CTNNA2: variants seen among roughly 807,000 people sequenced by gnomAD.
The protein encoded by CTNNA2 is catenin alpha-2.
In CTNNA2, 42 loss-of-function variants were observed where a neutral mutation model predicts 101.0. That is an observed-to-expected ratio of 0.42 (90% CI 0.32 to 0.54). The LOEUF (loss-of-function observed/expected upper bound fraction) is 0.54, where lower values mean the gene tolerates loss of function less well. Among genes scored for constraint, CTNNA2 ranks in the 20% least tolerant of loss-of-function variants. The probability of loss-of-function intolerance (pLI) is 0.14; values close to 1 mark genes in which losing one functional copy is unlikely to be tolerated. For synonymous variants in CTNNA2, 450 were observed against 456.4 expected, an observed-to-expected ratio of 0.99 and a Z score of 0.18; for missense variants, 871 against 1,223.1, an observed-to-expected ratio of 0.71 and a Z score of 4.29.
intron 7 of CTNNA2, among the ~76,000 whole-genome samples, chr2:80,042,487 C>T (rs1696132223): frequency 6.6e-6 from 1 of 152,124 alleles, no homozygotes; most frequent in Non-Finnish European, 1.5e-5. Flanking sequence ...TTGCACTGAG[C>T]CAAGCCTTCC....
In CTNNA2 at chr2:79,738,271, C is replaced by A. The variant is rs191207331; in HGVS notation, c.103-6116C>A. 6.2e-4 allele frequency among the ~76,000 whole-genome samples: 95 copies of A among 152,308 alleles called. No individual in the cohort carries two copies. In the South Asian group the frequency reaches 0.011, roughly 18 times the overall value. The stretch of plus-strand genomic sequence containing the variant: ...AGGTCGAAGGACCCTAGAACACTTA[C>A]ACTCTTACCTGTGACCTGCGGAATT... On this transcript the variant is annotated intron_variant, in intron 2 of 18. Coordinates refer to ENST00000402739, the MANE Select transcript of CTNNA2 (RefSeq NM_001282597.3).
chr2:80,592,300 C>G (rs1020222879), intron 15 of CTNNA2, among the ~76,000 whole-genome samples: 8 of 152,110 alleles, frequency 5.3e-5, no homozygotes, highest in Non-Finnish European at 8.8e-5. Context: ...CTTTCAGTTC[C>G]AATTCTCTAC....
chr2:79,827,675 T>C (rs78046581), intron 3 of CTNNA2, among the ~76,000 whole-genome samples: 2,164 of 152,286 alleles, frequency 0.014, 33 homozygotes, highest in East Asian at 0.039. Context: ...TAGATGCCCC[T>C]GAAAGGAATA....
chr2:79,841,954 T>C (rs148012133), intron 3 of CTNNA2, among the ~76,000 whole-genome samples: 2 of 152,344 alleles, frequency 1.3e-5, no homozygotes, highest in Admixed American at 6.5e-5. Context: ...TAAATACTTA[T>C]ATGTCTGAAT....
intron 3 of CTNNA2, among the ~76,000 whole-genome samples, chr2:79,807,468 T>TA (rs1188539225): frequency 4.6e-5 from 7 of 152,180 alleles, no homozygotes; most frequent in African/African-American, 1.7e-4. Context: ...AAGCATTTTT[T>TA]AGCCTTAAAA....
intron 7 of CTNNA2, among the ~76,000 whole-genome samples, chr2:80,092,391 C>T (rs1361196607): frequency 2.0e-5 from 3 of 152,082 alleles, no homozygotes; most frequent in Non-Finnish European, 2.9e-5. Flanking sequence ...GGCATACACC[C>T]GTCACCTCAG....
chr2:80,392,510 A>C (rs968711674), intron 7 of CTNNA2, among the ~76,000 whole-genome samples: 1 of 152,182 alleles, frequency 6.6e-6, no homozygotes, highest in African/African-American at 2.4e-5. Flanking sequence ...CACCAAAAAA[A>C]GGAGAAAAAG....
chr2:79,350,802 GT>G (rs1342708475), intron 3 of CTNNA2, among the ~76,000 whole-genome samples: 26 of 152,232 alleles, frequency 1.7e-4, no homozygotes, highest in African/African-American at 6.0e-4. Context: ...AACATCTGTT[GT>G]TTTTTGACTT....
chr2:80,257,632 C>A (rs1209634492), intron 7 of CTNNA2, among the ~76,000 whole-genome samples: 1 of 152,198 alleles, frequency 6.6e-6, no homozygotes, highest in Non-Finnish European at 1.5e-5. Context: ...TGGGATTCAT[C>A]AATCCATGGA....
chr2:79,955,336 G>A (rs1201973532), intron 7 of CTNNA2, among the ~76,000 whole-genome samples: 1 of 152,170 alleles, frequency 6.6e-6, no homozygotes, highest in African/African-American at 2.4e-5. Flanking sequence ...GGAGTTTCGT[G>A]TTATGCTTTT....
At chr2:79,394,198 T>C (rs1678205629) in intron 4 of CTNNA2, among the ~76,000 whole-genome samples, 2 of 152,178 alleles carry the variant, frequency 1.3e-5, no homozygotes, top group Non-Finnish European at 2.9e-5. Flanking sequence ...TTGTTTCTTT[T>C]TGTTTGTTTG....
intron 18 of CTNNA2, among the ~76,000 whole-genome samples, chr2:80,625,111 T>G (rs1671550395): frequency 6.6e-6 from 1 of 152,028 alleles, no homozygotes; most frequent in South Asian, 2.1e-4. Context: ...AGTTAAATAA[T>G]GTTAAAATTA....
At chr2:79,858,735 G>C (rs138867137) in intron 4 of CTNNA2, among the ~76,000 whole-genome samples, 1 of 152,074 alleles carries the variant, frequency 6.6e-6, no homozygotes, top group Admixed American at 6.5e-5. Flanking sequence ...CACCAAGCCT[G>C]GCATCTAACA....
chr2:80,101,064 A>G (rs889550927), intron 7 of CTNNA2, among the ~76,000 whole-genome samples: 35 of 152,162 alleles, frequency 2.3e-4, no homozygotes, highest in African/African-American at 8.2e-4. Context: ...ATTAGAAAGG[A>G]GAGGATTGTT....
intron 2 of CTNNA2, among the ~76,000 whole-genome samples, chr2:79,305,591 T>C (rs1018924418): frequency 6.6e-6 from 1 of 152,048 alleles, no homozygotes; most frequent in Non-Finnish European, 1.5e-5. Context: ...ACATAGATAT[T>C]ATTTTATATA....
intron 3 of CTNNA2, among the ~76,000 whole-genome samples, chr2:79,318,364 A>G (rs1676545078): frequency 6.6e-6 from 1 of 152,200 alleles, no homozygotes; most frequent in South Asian, 2.1e-4. Context: ...AAGAAAAAAG[A>G]AGAAAAAAAT....
chr2:79,630,475 A>G lies in CTNNA2; in HGVS notation c.-5-21077A>G, dbSNP rs115320813. Among the ~76,000 whole-genome samples the G allele has an allele frequency of 2.2e-3, 331 of 152,318 alleles. 3 individuals are homozygous for G. Among genetic ancestry groups the G allele is most frequent in the African/African-American group, 7.6e-3 (317 of 41,564 alleles). On this transcript the variant is annotated intron_variant, in intron 1 of 18. Coordinates refer to ENST00000402739, the MANE Select transcript of CTNNA2 (RefSeq NM_001282597.3). ...ACACATTGACATTGAAATCTGATTT[A>G]CGTAAAAGAGACCAAAAAAATGGGT...
At chr2:80,598,920 C>T (rs375400613) in intron 15 of CTNNA2, among the ~76,000 whole-genome samples, 19 of 151,990 alleles carry the variant, frequency 1.3e-4, no homozygotes, top group South Asian at 2.1e-4. Context: ...GGTAATAGTA[C>T]GGTTCTGTGT....
At chr2:79,984,952 C>T (rs1291530307) in intron 7 of CTNNA2, among the ~76,000 whole-genome samples, 1 of 152,224 alleles carries the variant, frequency 6.6e-6, no homozygotes, top group Non-Finnish European at 1.5e-5. Flanking sequence ...TTTATTGGAA[C>T]ACAGCCATGC....
Sources: gnomAD v4.1 joint callset for allele counts (sites outside exome capture counted in the v4.1 genomes callset) on GRCh38, gnomAD v4.1.1 for gene constraint, MANE v1.5 for transcripts, NCBI Gene and HGNC (gene_info 2026-07-23, HGNC 2026-07-21) for gene names.